The following UBE2E1 variants were observed in gnomAD, a reference collection of about 807,000 sequenced individuals.
UBE2E1 encodes the protein ubiquitin conjugating enzyme E2 E1, also known as ubiquitin-conjugating enzyme E2 E1.
A neutral mutation model predicts 21.4 loss-of-function variants in UBE2E1; 6 were observed. That is an observed-to-expected ratio of 0.28 (90% CI 0.15 to 0.55). The LOEUF (loss-of-function observed/expected upper bound fraction) is 0.55, where lower values mean the gene tolerates loss of function less well. Ranked by LOEUF, UBE2E1 falls within the 20% of genes least tolerant of loss-of-function variation. The probability of loss-of-function intolerance (pLI) is 0.93; values close to 1 mark genes in which losing one functional copy is unlikely to be tolerated. For missense variants in UBE2E1, 142 were observed against 236.5 expected, an observed-to-expected ratio of 0.60 and a Z score of 2.62; for synonymous variants, 87 against 82.7, an observed-to-expected ratio of 1.05 and a Z score of -0.28.
intron 3 of UBE2E1, among the ~76,000 whole-genome samples, chr3:23,825,411 A>T (rs538759973): frequency 6.6e-6 from 1 of 152,190 alleles, no homozygotes; most frequent in African/African-American, 2.4e-5. Context: ...TCTGATATTT[A>T]TCGGCCATTT....
chr3:23,889,093 T>C lies in UBE2E1; in HGVS notation c.337-19T>C. On this transcript the variant is annotated intron_variant, in intron 4 of 5. Coordinates refer to ENST00000306627, the MANE Select transcript of UBE2E1 (RefSeq NM_003341.5). ...GTTTGTTTGCTGTTTAAATATTGTC[T>C]GTCACTTGTTTTTTTTAGGTTACAT... 1.3e-6 allele frequency: 2 copies of C among 1,585,306 alleles called. No homozygotes were observed.
Position 23,887,640 on chromosome 3 carries a change from G to A in UBE2E1, c.277G>A (p.Gly93Ser). 6.2e-7 allele frequency: 1 copy of A among 1,613,988 alleles called. No individual in the cohort carries two copies. Among genetic ancestry groups the A allele is most frequent in the Non-Finnish European group, 8.5e-7 (1 of 1,180,004 alleles). ...AGGGCCTCCAGGATCCGTGTATGAGGGTGGTGTATTCTTTCTCGATATCAC... is the reference window on the plus strand; with the variant it reads ...AGGGCCTCCAGGATCCGTGTATGAGAGTGGTGTATTCTTTCTCGATATCAC... ...ILGPPGSVYE[G>S]GVFFLDITFT... The change falls in exon 4 of 6, where the codon GGT becomes AGT. Residue 93 changes from glycine to serine, a missense_variant. Around this residue, in one of 2 missense-constraint regions of UBE2E1, gnomAD observed 87 missense variants for 184.9 expected, o/e 0.47. Coordinates refer to ENST00000306627, the MANE Select transcript of UBE2E1 (RefSeq NM_003341.5). The surrounding 1 kb of genome is among the most constrained non-coding windows in gnomAD (Gnocchi z 4.4).
At chr3:23,855,527 A>G (rs1259430117) in intron 3 of UBE2E1, among the ~76,000 whole-genome samples, 1 of 152,184 alleles carries the variant, frequency 6.6e-6, no homozygotes, top group African/African-American at 2.4e-5. Context: ...AAATAATTGT[A>G]TGCATAGAAA....
Position 23,807,684 on chromosome 3 carries a change from C to T in UBE2E1, c.152+263C>T, listed in dbSNP as rs181215214. 3.3e-3 allele frequency: 1,086 copies of T among 324,858 alleles called. 2 individuals are homozygous for T. The highest frequency in any genetic ancestry group is 4.0e-3 in the Non-Finnish European group (718 of 180,390). 20.1% of individuals were successfully genotyped at this position (324,858 alleles called of 1,614,324 possible). On this transcript the variant is annotated intron_variant, in intron 2 of 5. Coordinates refer to ENST00000306627, the MANE Select transcript of UBE2E1 (RefSeq NM_003341.5). Reference sequence around the variant, plus strand: ...GATTCCTCGTTACTTTTATTAGTGACCCCCAAATCTGATTTCAGATTTCTT... The same window carrying T: ...GATTCCTCGTTACTTTTATTAGTGATCCCCAAATCTGATTTCAGATTTCTT...
intron 3 of UBE2E1, among the ~76,000 whole-genome samples, chr3:23,835,882 C>CG: frequency 6.6e-6 from 1 of 152,030 alleles, no homozygotes; most frequent in East Asian, 1.9e-4. Context: ...CATTTCAACA[C>CG]GTAATAGCTT....
intron 2 of UBE2E1, 107 bp downstream of exon 2, chr3:23,807,528 T>C (rs541971272): frequency 1.7e-4 from 230 of 1,384,520 alleles, no homozygotes; most frequent in Non-Finnish European, 1.9e-4. Flanking sequence ...TCATGGTTTA[T>C]GTGTTCTTAA....
At chr3:23,883,806 C>T (rs1182920769) in intron 3 of UBE2E1, among the ~76,000 whole-genome samples, 1 of 151,564 alleles carries the variant, frequency 6.6e-6, no homozygotes, top group Non-Finnish European at 1.5e-5. Context: ...GTCCCAGCTG[C>T]TCCAGAGGCT....
At chr3:23,873,798 C>T (rs1190791408) in intron 3 of UBE2E1, among the ~76,000 whole-genome samples, 1 of 152,142 alleles carries the variant, frequency 6.6e-6, no homozygotes, top group Non-Finnish European at 1.5e-5. Flanking sequence ...TTGACCAGTG[C>T]AGGGAGGTGT....
chr3:23,844,936 T>C (rs1441162421), intron 3 of UBE2E1, among the ~76,000 whole-genome samples: 1 of 152,180 alleles, frequency 6.6e-6, no homozygotes, highest in Non-Finnish European at 1.5e-5. Flanking sequence ...TGTAGGATTT[T>C]AATATATAAT....
At chr3:23,856,720 A>T (rs2125310909) in intron 3 of UBE2E1, among the ~76,000 whole-genome samples, 1 of 152,284 alleles carries the variant, frequency 6.6e-6, no homozygotes, top group East Asian at 1.9e-4. Context: ...TAGCAGGAAA[A>T]GAAAGCGCTT....
At chr3:23,813,066 T>G (rs902774870) in intron 3 of UBE2E1, among the ~76,000 whole-genome samples, 1 of 152,112 alleles carries the variant, frequency 6.6e-6, no homozygotes, top group African/African-American at 2.4e-5. Flanking sequence ...GAAAGATTTA[T>G]GCTCCTGAGG....
rs571556518 is a variant in UBE2E1, at chr3:23,880,024, A to C, written c.204-7543A>C. On this transcript the variant is annotated intron_variant, in intron 3 of 5. Transcript: ENST00000306627. ...CACTTTGGGAGGCCCAGGTGGGAGG[A>C]TCACTTGAGCCCAAGAATTTGAGAC... 3.3e-3 allele frequency among the ~76,000 whole-genome samples: 503 copies of C among 152,334 alleles called. 1 individual carries two copies. Among genetic ancestry groups the C allele is most frequent in the Middle Eastern group, 0.024 (7 of 294 alleles).
At chr3:23,838,513 G>A (rs1233781200) in intron 3 of UBE2E1, among the ~76,000 whole-genome samples, 15 of 151,900 alleles carry the variant, frequency 9.9e-5, no homozygotes. Flanking sequence ...TTTATTTTTT[G>A]AGATGGAGTC....
intron 3 of UBE2E1, among the ~76,000 whole-genome samples, chr3:23,817,416 T>C (rs1192538733): frequency 4.1e-5 from 5 of 121,328 alleles, no homozygotes; most frequent in Admixed American, 8.9e-5. Flanking sequence ...AGTGAGACTC[T>C]GTCTCAAAAA....
intron 3 of UBE2E1, among the ~76,000 whole-genome samples, chr3:23,880,180 C>T (rs1464317213): frequency 6.6e-6 from 1 of 152,286 alleles, no homozygotes; most frequent in East Asian, 1.9e-4. Context: ...GTCAGGATTT[C>T]GAGACCAGCC....
chr3:23,841,745 A>T (rs1215735980), intron 3 of UBE2E1, among the ~76,000 whole-genome samples: 1 of 152,228 alleles, frequency 6.6e-6, no homozygotes, highest in Non-Finnish European at 1.5e-5. Flanking sequence ...TTACCTTTGA[A>T]TTCAGTATTG....
chr3:23,856,786 T>A (rs149252093), intron 3 of UBE2E1, among the ~76,000 whole-genome samples: 1 of 152,024 alleles, frequency 6.6e-6, no homozygotes, highest in Admixed American at 6.6e-5. Context: ...ATTAATGTCA[T>A]GATTATCAAG....
chr3:23,852,199 C>G (rs1393225116), intron 3 of UBE2E1, among the ~76,000 whole-genome samples: 2 of 152,140 alleles, frequency 1.3e-5, no homozygotes. Flanking sequence ...AATTACCTAG[C>G]CTTAGATACT....
chr3:23,859,057 A>G (rs1165093961), intron 3 of UBE2E1, among the ~76,000 whole-genome samples: 1 of 152,132 alleles, frequency 6.6e-6, no homozygotes, highest in Non-Finnish European at 1.5e-5. Flanking sequence ...TGTGTATCTT[A>G]CTAGAATTTT....
Sources: gnomAD v4.1 joint callset for allele counts (sites outside exome capture counted in the v4.1 genomes callset) on GRCh38, gnomAD v4.1.1 for gene constraint, gnomAD v4.1.1 regional missense constraint, Gnocchi (gnomAD v3.1) non-coding constraint, MANE v1.5 for transcripts, NCBI Gene and HGNC (gene_info 2026-07-23, HGNC 2026-07-21) for gene names.